The following ATRNL1 variants were observed in gnomAD, a reference collection of about 807,000 sequenced individuals.
ATRNL1 encodes attractin like 1, also known as attractin-like protein 1.
In ATRNL1, 95 loss-of-function variants were observed where a neutral mutation model predicts 182.7. The ratio of observed to expected loss-of-function variants is 0.52; its 90% CI spans 0.44 to 0.62. The LOEUF (loss-of-function observed/expected upper bound fraction) is 0.62. ATRNL1 is among the 20% of genes least tolerant of loss of function. The pLI is 0.00. For missense variants in ATRNL1, 1,471 were observed against 1,679.5 expected, an observed-to-expected ratio of 0.88 and a Z score of 2.17; for synonymous variants, 576 against 568.3, an observed-to-expected ratio of 1.01 and a Z score of -0.19.
rs185432760 is a variant in ATRNL1 at position 115,491,728 on chromosome 10, C to T, written c.3654+22399C>T. Reference sequence around the variant, plus strand: ...TGAGCCAGATCACTTGGCTCCCTGGCTTCAGCCCCCTTTCCAGGAGAGTGA... The same window carrying T: ...TGAGCCAGATCACTTGGCTCCCTGGTTTCAGCCCCCTTTCCAGGAGAGTGA... On this transcript the variant is annotated intron_variant, in intron 24 of 28. Coordinates refer to ENST00000355044, the MANE Select transcript of ATRNL1 (RefSeq NM_207303.4). Among the ~76,000 whole-genome samples the T allele has an allele frequency of 3.9e-3, 587 of 152,306 alleles. 3 individuals are homozygous for T. The highest frequency in any genetic ancestry group is 5.2e-3 in the Non-Finnish European group (357 of 68,028).
intron 26 of ATRNL1, among the ~76,000 whole-genome samples, chr10:115,617,361 T>G (rs1186305182): frequency 1.7e-5 from 2 of 114,898 alleles, no homozygotes; most frequent in African/African-American, 5.7e-5. Context: ...TGGTTTTTTT[T>G]TGTTTTTTGT....
At chr10:115,559,446 G>A (rs1009668459) in intron 26 of ATRNL1, among the ~76,000 whole-genome samples, 11 of 123,148 alleles carry the variant, frequency 8.9e-5, no homozygotes, top group East Asian at 8.2e-4. Flanking sequence ...GTGTGTGTGC[G>A]CGCGCGCACG....
intron 24 of ATRNL1, among the ~76,000 whole-genome samples, chr10:115,491,783 C>A (rs1338755706): frequency 3.3e-5 from 5 of 152,134 alleles, no homozygotes; most frequent in Admixed American, 3.3e-4. Flanking sequence ...GTTCCAGGTG[C>A]CACTGGGATA....
At chr10:115,435,546 T>C (rs1161426769) in intron 21 of ATRNL1, among the ~76,000 whole-genome samples, 1 of 152,184 alleles carries the variant, frequency 6.6e-6, no homozygotes, top group Non-Finnish European at 1.5e-5. Context: ...TGGTATTCTG[T>C]TATAGCAGCA....
At chr10:115,191,915 T>A (rs1434696619) in intron 8 of ATRNL1, among the ~76,000 whole-genome samples, 3 of 152,126 alleles carry the variant, frequency 2.0e-5, no homozygotes, top group African/African-American at 7.2e-5. Flanking sequence ...AAAAGTTCTA[T>A]TCAGATCTTT....
intron 21 of ATRNL1, among the ~76,000 whole-genome samples, chr10:115,439,968 G>GAGCT (rs1181335348): frequency 1.3e-5 from 2 of 151,844 alleles, no homozygotes; most frequent in Non-Finnish European, 2.9e-5. Flanking sequence ...CTGTAAGGGA[G>GAGCT]AGCTGTTCCT....
intron 3 of ATRNL1, among the ~76,000 whole-genome samples, chr10:115,122,250 A>G (rs1844770742): frequency 6.6e-6 from 1 of 151,820 alleles, no homozygotes; most frequent in Non-Finnish European, 1.5e-5. Context: ...ATGATTAATA[A>G]AGATGGAGTT....
chr10:115,182,200 A>G (rs2144167165), intron 8 of ATRNL1, among the ~76,000 whole-genome samples: 1 of 151,720 alleles, frequency 6.6e-6, no homozygotes, highest in East Asian at 1.9e-4. Flanking sequence ...TGTGTAAATT[A>G]CTTATGATGT....
intron 19 of ATRNL1, among the ~76,000 whole-genome samples, chr10:115,385,289 T>C (rs1300770737): frequency 1.3e-5 from 2 of 152,126 alleles, no homozygotes; most frequent in African/African-American, 4.8e-5. Flanking sequence ...CAATTATATT[T>C]GTCTGTTGGC....
intron 8 of ATRNL1, among the ~76,000 whole-genome samples, chr10:115,194,131 G>A (rs1218112162): frequency 6.6e-6 from 1 of 151,906 alleles, no homozygotes; most frequent in Non-Finnish European, 1.5e-5. Flanking sequence ...TGTCTATCTT[G>A]GAGAGCATTC....
At chr10:115,603,499 A>T (rs76182532) in intron 26 of ATRNL1, among the ~76,000 whole-genome samples, 3,518 of 152,242 alleles carry the variant, frequency 0.023, 70 homozygotes, top group Non-Finnish European at 0.035. Flanking sequence ...CAAGAGTTTT[A>T]TGGGGGCAGA....
chr10:115,810,330 T>A (rs1284293974), intron 27 of ATRNL1, among the ~76,000 whole-genome samples: 3 of 152,010 alleles, frequency 2.0e-5, no homozygotes, highest in Non-Finnish European at 4.4e-5. Context: ...CCTCCTCATC[T>A]GTTTTCTGGA....
chr10:115,853,289 TA>T (rs1447868763), intron 28 of ATRNL1, among the ~76,000 whole-genome samples: 1 of 152,174 alleles, frequency 6.6e-6, no homozygotes, highest in Admixed American at 6.5e-5. Context: ...TCCTTACATT[TA>T]AAAAAATCTT....
At chr10:115,506,961 T>C (rs1850145482) in intron 24 of ATRNL1, among the ~76,000 whole-genome samples, 1 of 152,070 alleles carries the variant, frequency 6.6e-6, no homozygotes, top group Admixed American at 6.6e-5. Flanking sequence ...TCAGGAAGTT[T>C]TGATGACATG....
intron 10 of ATRNL1, among the ~76,000 whole-genome samples, chr10:115,245,161 C>G (rs1171966703): frequency 6.6e-6 from 1 of 151,672 alleles, no homozygotes; most frequent in Non-Finnish European, 1.5e-5. Context: ...TATTCTTAAC[C>G]ATTTTATAAT....
intron 26 of ATRNL1, among the ~76,000 whole-genome samples, chr10:115,719,861 CTTT>C (rs35436098): frequency 1.6e-5 from 2 of 128,702 alleles, no homozygotes; most frequent in Admixed American, 8.3e-5. Context: ...CCCACACACT[CTTT>C]TTTTTTTTTT....
chr10:115,297,532 C>G (rs1853259548), intron 15 of ATRNL1, among the ~76,000 whole-genome samples: 2 of 151,738 alleles, frequency 1.3e-5, no homozygotes, highest in Admixed American at 6.6e-5. Flanking sequence ...GTAGTCCCAG[C>G]TACTCAGGAG....
chr10:115,600,571 G>A (rs1239049536), intron 26 of ATRNL1, among the ~76,000 whole-genome samples: 2 of 151,958 alleles, frequency 1.3e-5, no homozygotes, highest in Non-Finnish European at 2.9e-5. Flanking sequence ...TTTTAAAATT[G>A]ACAAAGTATT....
At chr10:115,470,231 T>G (rs1321587223) in intron 24 of ATRNL1, among the ~76,000 whole-genome samples, 2 of 149,878 alleles carry the variant, frequency 1.3e-5, no homozygotes, top group African/African-American at 2.4e-5. Context: ...TGGAAAAAAT[T>G]TTTCTTCTTA....
Sources: gnomAD v4.1 joint callset for allele counts (sites outside exome capture counted in the v4.1 genomes callset) on GRCh38, gnomAD v4.1.1 for gene constraint, MANE v1.5 for transcripts, NCBI Gene and HGNC (gene_info 2026-07-23, HGNC 2026-07-21) for gene names.